The following NOMO3 variants were observed in gnomAD, a reference collection of about 807,000 sequenced individuals.
NOMO3 encodes the protein BOS complex subunit NOMO3.
Under a neutral mutation model 69.9 loss-of-function variants are expected in NOMO3, and 15 were observed. The ratio of observed to expected loss-of-function variants is 0.21; its 90% confidence interval spans 0.14 to 0.33. The LOEUF is 0.33. Ranked by LOEUF, NOMO3 falls within the 10% of genes least tolerant of loss-of-function variation. The pLI is 1.00. For synonymous variants in NOMO3, 89 were observed against 301.9 expected (o/e 0.29, Z 7.31); for missense variants, 218 against 761.0 (o/e 0.29, Z 8.39).
chr16:16,243,002 G>T (rs552923790), intron 3 of NOMO3, among the ~76,000 whole-genome samples, 159 bp from the exon 4 acceptor site: 1 of 144,146 alleles, frequency 6.9e-6, no homozygotes, highest in Admixed American at 6.8e-5. Flanking sequence ...ATACTTTTTC[G>T]TACCTTTGGA....
In NOMO3 at chr16:16,242,117, C is replaced by CG. The variant is rs1241590665; in HGVS notation, c.302-1043dup. 4.6e-5 allele frequency among the ~76,000 whole-genome samples: 6 copies of CG among 129,748 alleles called. 1 individual carries two copies. The highest frequency in any genetic ancestry group is 6.7e-5 in the African/African-American group (2 of 29,658). 85.1% of individuals were successfully genotyped at this position (129,748 alleles called of 152,430 possible). On this transcript the variant is annotated intron_variant, in intron 3 of 30. Transcript: ENST00000399336. ...TGGCCAATGAGGTTGCACACTTTTT[C>CG]GTATGTTTATGTTTGTTTGCCATGG...
chr16:16,233,507 T>G (rs1403564779), intron 1 of NOMO3, among the ~76,000 whole-genome samples: 20 of 119,804 alleles, frequency 1.7e-4, no homozygotes, highest in African/African-American at 7.4e-4. Context: ...TGAAGGTTTT[T>G]TTTTTTTTTT....
At chr16:16,260,408 G>A (rs1402955551) in intron 11 of NOMO3, among the ~76,000 whole-genome samples, 4 of 140,420 alleles carry the variant, frequency 2.8e-5, no homozygotes, top group Admixed American at 1.4e-4. Context: ...AACGGGAGGG[G>A]GGTCCTTGGG....
chr16:16,254,737 G>A (rs1279406923), intron 9 of NOMO3, among the ~76,000 whole-genome samples: 1 of 144,206 alleles, frequency 6.9e-6, no homozygotes, highest in Non-Finnish European at 1.5e-5. Context: ...GTTTGATGAA[G>A]ATATTAAAAT....
Position 16,255,379 on chromosome 16 carries a change from G to T in NOMO3, c.964-341G>T, listed in dbSNP as rs543079725. On this transcript the variant is annotated intron_variant, in intron 9 of 30. Transcript: ENST00000399336. Reference sequence around the variant, plus strand: ...GCATGGGAGACTGGAGGAAGACGTGGTTCACCAAAATGGGGGCATCTGGAG... The same window carrying T: ...GCATGGGAGACTGGAGGAAGACGTGTTTCACCAAAATGGGGGCATCTGGAG... 6.9e-4 allele frequency among the ~76,000 whole-genome samples: 95 copies of T among 138,454 alleles called. 4 individuals carry two copies. Among genetic ancestry groups the T allele is most frequent in the Admixed American group, 2.8e-3 (40 of 14,274 alleles). The allele number at this position is 138,454 out of a possible 152,430, so 90.8% of individuals were successfully genotyped here.
rs1182566706 is a variant in NOMO3, at chr16:16,259,053, G to A, written c.1221-2449G>A. Among the ~76,000 whole-genome samples, 4 of 142,496 alleles carry A rather than the reference G, an allele frequency of 2.8e-5. 1 individual carries two copies. Among genetic ancestry groups the A allele is most frequent in the African/African-American group, 5.9e-5 (2 of 34,164 alleles). 93.5% of individuals were successfully genotyped at this position (142,496 alleles called of 152,430 possible). On this transcript the variant is annotated intron_variant, in intron 11 of 30. Transcript: ENST00000399336. ...GATATGGTAGTGGCTGGGCCCAGGC[G>A]GCTGGCAGGCGAGGGAGCGAGGAGT...
chr16:16,263,199 G>T lies in NOMO3; in HGVS notation c.1521G>T (p.Gly507=). ...AFVQFLASVS[G]KVSCLDTCGD... ...TACAGTTCTTGGCATCAGTTTCTGG[G>T]AAAGTCTCTTGTTTGGGTAAGATAT... The change falls in exon 13 of 31, where the codon GGG becomes GGT. Residue 507 remains glycine (G), a synonymous_variant. Transcript: ENST00000399336. The T allele has an allele frequency of 1.3e-6, 2 of 1,593,730 alleles. No homozygotes were observed. Among genetic ancestry groups the T allele is most frequent in the Non-Finnish European group, 1.7e-6 (2 of 1,177,088 alleles).
At chr16:16,266,658 G>T in intron 15 of NOMO3, 1 of 408,064 alleles carries the variant, frequency 2.5e-6, no homozygotes, top group Non-Finnish European at 4.5e-6. Flanking sequence ...ACCCCTCGGT[G>T]GGGATTGTTC....
chr16:16,254,931 T>C (rs2049497549), intron 9 of NOMO3, among the ~76,000 whole-genome samples: 1 of 143,462 alleles, frequency 7.0e-6, no homozygotes. Context: ...GGATTTCTTT[T>C]TTTTTCTTTG....
At chr16:16,234,212 C>A (rs2141244159) in intron 1 of NOMO3, among the ~76,000 whole-genome samples, 1 of 151,460 alleles carries the variant, frequency 6.6e-6, no homozygotes, top group East Asian at 1.9e-4. Flanking sequence ...AGGACACGTT[C>A]AGGGTGGTAT....
chr16:16,274,297 G>GGATA lies in NOMO3; in HGVS notation c.2356+225_2356+226insAGAT, dbSNP rs1465579159. 2.2e-3 allele frequency among the ~76,000 whole-genome samples: 276 copies of GGATA among 127,112 alleles called. 2 individuals are homozygous for GGATA. The highest frequency in any genetic ancestry group is 3.8e-3 in the Non-Finnish European group (226 of 60,174). The allele number at this position is 127,112 out of a possible 152,430, so 83.4% of individuals were successfully genotyped here. ...TGGATGGATGGATGGATGGATGGATGGATGAATGAATGATTTAGATAAATA... is the reference window on the plus strand; with the variant it reads ...TGGATGGATGGATGGATGGATGGATGGATAGATGAATGAATGATTTAGATAAATA... On this transcript the variant is annotated intron_variant, in intron 20 of 30. Coordinates refer to ENST00000399336, the MANE Select transcript of NOMO3 (RefSeq NM_001004067.4).
At position 16,235,210 on chromosome 16, in the gene NOMO3, A is replaced by G. The variant is rs1280084714; in HGVS notation, c.166-1691A>G. 3.3e-5 allele frequency among the ~76,000 whole-genome samples: 5 copies of G among 151,106 alleles called. No individual in the cohort carries two copies. The East Asian group carries it at 9.6e-4, about 29-fold the overall frequency. On this transcript the variant is annotated intron_variant, in intron 1 of 30. Coordinates refer to ENST00000399336, the MANE Select transcript of NOMO3 (RefSeq NM_001004067.4). ...TCCCAAATGTTCAAATGTTCGTTTT[A>G]TGAGTTAGTCACTTTGTACATCATC...
intron 1 of NOMO3, among the ~76,000 whole-genome samples, chr16:16,235,430 T>C (rs1458066966): frequency 6.7e-6 from 1 of 149,182 alleles, no homozygotes; most frequent in Non-Finnish European, 1.5e-5. Context: ...GAGCCCAGTA[T>C]GTTCCCTACG....
chr16:16,243,002 G>A lies in NOMO3; in HGVS notation c.302-159G>A, dbSNP rs552923790. Among the ~76,000 whole-genome samples, 23 of 144,238 alleles carry A rather than the reference G, an allele frequency of 1.6e-4. 3 individuals carry two copies. The highest frequency in any genetic ancestry group is 9.0e-4 in the East Asian group (4 of 4,452). 94.6% of individuals were successfully genotyped at this position (144,238 alleles called of 152,430 possible). On this transcript the variant is annotated intron_variant, in intron 3 of 30. Transcript: ENST00000399336. Reference sequence around the variant, plus strand: ...GAGACTTTTCCCAGAATACTTTTTCGTACCTTTGGATTTGGAAACACAACG... The same window carrying A: ...GAGACTTTTCCCAGAATACTTTTTCATACCTTTGGATTTGGAAACACAACG...
rs71276168 is a variant in NOMO3 at position 16,242,201 on chromosome 16, T to TTGTG, written c.302-935_302-932dup. Among the ~76,000 whole-genome samples the TTGTG allele has an allele frequency of 7.5e-4, 75 of 99,394 alleles. 2 individuals are homozygous for TTGTG. Among genetic ancestry groups the TTGTG allele is most frequent in the Non-Finnish European group, 9.9e-4 (52 of 52,716 alleles). The allele number at this position is 99,394 out of a possible 152,430, so 65.2% of individuals were successfully genotyped here. A position where few individuals can be genotyped will look rare whatever the true frequency, so the allele number is the denominator to read the frequency against. ...TTTTGCCCATTTTTTATTGGAGTCT[T>TTGTG]TGTGTGTGTGTGTGTGTGTGTGTGT... On this transcript the variant is annotated intron_variant, in intron 3 of 30. Transcript: ENST00000399336.
chr16:16,251,543 A>G, intron 7 of NOMO3: 1 of 220,788 alleles, frequency 4.5e-6, no homozygotes, highest in Non-Finnish European at 8.3e-6. Flanking sequence ...CTGTTGACTC[A>G]CAAGACATTG....
chr16:16,268,246 T>C (rs2049634837), intron 16 of NOMO3, among the ~76,000 whole-genome samples: 1 of 145,230 alleles, frequency 6.9e-6, no homozygotes, highest in African/African-American at 2.8e-5. Context: ...TTTTCTTGTT[T>C]CGATACCTAG....
intron 9 of NOMO3, among the ~76,000 whole-genome samples, chr16:16,255,168 C>T (rs2141254773): frequency 7.0e-6 from 1 of 142,412 alleles, no homozygotes; most frequent in African/African-American, 2.9e-5. Context: ...CTGCCTCGGC[C>T]TCCCAAAGTG....
intron 1 of NOMO3, among the ~76,000 whole-genome samples, chr16:16,235,271 G>A (rs966811913): frequency 6.6e-6 from 1 of 150,824 alleles, no homozygotes. Flanking sequence ...ATAGCGGCTC[G>A]TGTCATGGTT....
Sources: gnomAD v4.1 joint callset for allele counts (sites outside exome capture counted in the v4.1 genomes callset) on GRCh38, gnomAD v4.1.1 for gene constraint, MANE v1.5 for transcripts, NCBI Gene and HGNC (gene_info 2026-07-23, HGNC 2026-07-21) for gene names.